ASAP1: variants seen among roughly 807,000 people sequenced by gnomAD.
ASAP1 encodes the protein arf-GAP with SH3 domain, ANK repeat and PH domain-containing protein 1.
ASAP1 carries 43 observed loss-of-function variants against 145.2 expected under a neutral mutation model. The ratio of observed to expected loss-of-function variants is 0.30; its 90% CI spans 0.23 to 0.38. The LOEUF is 0.38. Among genes scored for constraint, ASAP1 ranks in the 10% least tolerant of loss-of-function variants. The pLI, the probability that ASAP1 is intolerant of heterozygous loss-of-function variation, is 1.00. For synonymous variants in ASAP1, 546 were observed against 515.5 expected (o/e 1.06, Z -0.80); for missense variants, 1,018 against 1,355.3 (o/e 0.75, Z 3.91).
At position 130,126,640 on chromosome 8, in the gene ASAP1, G is replaced by A. The variant is rs544624541; in HGVS notation, c.1382-551C>T. Among the ~76,000 whole-genome samples the A allele has an allele frequency of 1.3e-4, 20 of 152,226 alleles. 1 individual carries two copies. In the East Asian group the frequency reaches 1.9e-3, roughly 15 times the overall value. ...AATGGGAACTATTACTTCCATGTTA[G>A]CCAAATCTTCAGGTTTCTCTCTCTG... On this transcript the variant is annotated intron_variant, in intron 16 of 29. Transcript: ENST00000518721.
In ASAP1 at chr8:130,054,820, G is replaced by C. The variant is rs1288605208; in HGVS notation, c.3316-15C>G. On this transcript the variant is annotated splice_polypyrimidine_tract_variant and intron_variant, in intron 29 of 29. Transcript: ENST00000518721. ...ATGTGGCCAATCTGCAGGGAGAAAA[G>C]AGAGTGGTCAGGATGGAGGCAGCAG... The C allele has an allele frequency of 1.1e-5, 18 of 1,611,362 alleles. No individual in the cohort carries two copies. The highest frequency in any genetic ancestry group is 1.4e-5 in the Non-Finnish European group (16 of 1,177,788).
chr8:130,176,735 G>C (rs1026891352), intron 9 of ASAP1, among the ~76,000 whole-genome samples: 2 of 151,246 alleles, frequency 1.3e-5, no homozygotes, highest in African/African-American at 4.9e-5. Context: ...TTGTTGTCCA[G>C]GCTGGAGTGC....
chr8:130,348,030 T>C (rs924929077), intron 3 of ASAP1, among the ~76,000 whole-genome samples: 3 of 152,346 alleles, frequency 2.0e-5, no homozygotes, highest in Middle Eastern at 6.8e-3. Context: ...TTGGACTAGA[T>C]GGTCTCTGAG....
At chr8:130,414,811 G>A (rs545479773) in intron 1 of ASAP1, among the ~76,000 whole-genome samples, 13 of 149,640 alleles carry the variant, frequency 8.7e-5, no homozygotes, top group Admixed American at 2.7e-4. Context: ...AGATAGGAGT[G>A]CAGTGGCAAG....
intron 3 of ASAP1, among the ~76,000 whole-genome samples, chr8:130,317,932 T>C (rs775484906): frequency 6.6e-5 from 10 of 152,092 alleles, no homozygotes; most frequent in Non-Finnish European, 1.3e-4. Context: ...GGTGAAGAAA[T>C]GGTTGCTGCA....
intron 3 of ASAP1, among the ~76,000 whole-genome samples, chr8:130,323,989 T>A: frequency 1.3e-5 from 2 of 152,188 alleles, no homozygotes; most frequent in Non-Finnish European, 2.9e-5. Context: ...ACAATACTAC[T>A]CCCTCAGTTA....
chr8:130,287,328 A>C (rs187159609), intron 3 of ASAP1, among the ~76,000 whole-genome samples: 1 of 152,322 alleles, frequency 6.6e-6, no homozygotes, highest in African/African-American at 2.4e-5. Flanking sequence ...AGGTAAGGTT[A>C]CTTCAGATTA....
intron 2 of ASAP1, among the ~76,000 whole-genome samples, chr8:130,386,185 G>A (rs1828007903): frequency 6.6e-6 from 1 of 152,192 alleles, no homozygotes; most frequent in East Asian, 1.9e-4. Context: ...AAGCACTAGA[G>A]AGGAAGGGGG....
Position 130,214,811 on chromosome 8 carries a change from T to C in ASAP1, c.260-110A>G, listed in dbSNP as rs559968010. 82 of 928,606 alleles carry C rather than the reference T, an allele frequency of 8.8e-5. No homozygotes were observed. The African/African-American group carries it at 1.3e-3, about 15-fold the overall frequency. 57.5% of individuals were successfully genotyped at this position (928,606 alleles called of 1,614,324 possible). On this transcript the variant is annotated intron_variant, in intron 4 of 29. Transcript: ENST00000518721. ...TCTCAAAATGGAAGCATAAACTGTA[T>C]CAATTATTTATTGCACATGTCCCAA...
chr8:130,314,222 A>G (rs943503734), intron 3 of ASAP1, among the ~76,000 whole-genome samples: 3 of 152,164 alleles, frequency 2.0e-5, no homozygotes, highest in African/African-American at 7.2e-5. Context: ...CAACTTTCAT[A>G]CTGTGACATC....
intron 5 of ASAP1, among the ~76,000 whole-genome samples, chr8:130,208,142 C>G (rs1586595141): frequency 6.6e-6 from 1 of 152,004 alleles, no homozygotes; most frequent in Non-Finnish European, 1.5e-5. Context: ...TAGAGAGGTC[C>G]CTTGTACCCA....
At chr8:130,302,600 T>C (rs1353962872) in intron 3 of ASAP1, among the ~76,000 whole-genome samples, 1 of 152,080 alleles carries the variant, frequency 6.6e-6, no homozygotes, top group Non-Finnish European at 1.5e-5. Context: ...CTGGGAGCAC[T>C]AGATTAATGG....
chr8:130,361,690 CT>C, intron 2 of ASAP1: 4 of 1,534,504 alleles, frequency 2.6e-6, no homozygotes, highest in Non-Finnish European at 3.5e-6. Flanking sequence ...CCATAATCCT[CT>C]TTAAATTTGA....
chr8:130,251,639 A>T (rs1819204962), intron 3 of ASAP1, among the ~76,000 whole-genome samples: 2 of 152,188 alleles, frequency 1.3e-5, no homozygotes, highest in Admixed American at 1.3e-4. Context: ...AACAAAAATC[A>T]TGCATTAGAC....
At chr8:130,429,216 T>C (rs950048005) in intron 1 of ASAP1, among the ~76,000 whole-genome samples, 1 of 152,208 alleles carries the variant, frequency 6.6e-6, no homozygotes, top group Admixed American at 6.5e-5. Flanking sequence ...GAGAGCTTAT[T>C]TGTAAATAAA....
intron 12 of ASAP1, among the ~76,000 whole-genome samples, chr8:130,157,384 C>T (rs1448053772): frequency 6.6e-6 from 1 of 152,196 alleles, no homozygotes; most frequent in African/African-American, 2.4e-5. Context: ...GCCCCTGCCT[C>T]CATTATCCAC....
chr8:130,312,887 T>A (rs764173616), intron 3 of ASAP1, among the ~76,000 whole-genome samples: 6 of 152,204 alleles, frequency 3.9e-5, no homozygotes, highest in African/African-American at 7.2e-5. Context: ...GATGAGGGAA[T>A]AAGCACGTGA....
chr8:130,238,169 CCCAGTGTCTGG>C (rs756834137), intron 3 of ASAP1, among the ~76,000 whole-genome samples: 6 of 152,004 alleles, frequency 3.9e-5, no homozygotes, highest in South Asian at 2.1e-4. Context: ...TTCTCTAGAC[CCCAGTGTCTGG>C]CCAGGTGAGC....
At position 130,227,927 on chromosome 8, in the gene ASAP1, A is replaced by C. The variant is rs186856241; in HGVS notation, c.259+8995T>G. ...AGCTTCTTGCCCTTTCTGGGTGCAC[A>C]GTTGGCGAGTCTGAGGGAAGGGCAA... On this transcript the variant is annotated intron_variant, in intron 4 of 29. Transcript: ENST00000518721. Among the ~76,000 whole-genome samples, 370 of 152,240 alleles carry C rather than the reference A, an allele frequency of 2.4e-3. 2 individuals carry two copies. The highest frequency in any genetic ancestry group is 3.5e-3 in the Non-Finnish European group (236 of 67,994).
Sources: gnomAD v4.1 joint callset for allele counts (sites outside exome capture counted in the v4.1 genomes callset) on GRCh38, gnomAD v4.1.1 for gene constraint, MANE v1.5 for transcripts, NCBI Gene and HGNC (gene_info 2026-07-23, HGNC 2026-07-21) for gene names.